Variants in PCDH9 observed in about 807,000 individuals in gnomAD.
PCDH9 encodes the protein protocadherin-9.
In PCDH9, 24 loss-of-function variants were observed where a neutral mutation model predicts 70.6. The observed-to-expected ratio is 0.34, with a 90% CI of 0.25 to 0.48. PCDH9 has a LOEUF of 0.48. Among genes scored for constraint, PCDH9 ranks in the 20% least tolerant of loss-of-function variants. The probability of loss-of-function intolerance (pLI) is 0.99; values close to 1 mark genes in which losing one functional copy is unlikely to be tolerated. For synonymous variants in PCDH9, 562 were observed against 558.5 expected, an observed-to-expected ratio of 1.01 and a Z score of -0.09; for missense variants, 1,281 against 1,503.6, an observed-to-expected ratio of 0.85 and a Z score of 2.45.
intron 4 of PCDH9, among the ~76,000 whole-genome samples, chr13:66,353,719 A>C (rs965796904): frequency 2.0e-5 from 3 of 152,084 alleles, no homozygotes; most frequent in African/African-American, 7.2e-5. Context: ...ATAGTTGTAA[A>C]ATGTAATACA....
intron 2 of PCDH9, among the ~76,000 whole-genome samples, chr13:66,975,095 C>T (rs2083591397): frequency 1.3e-5 from 2 of 152,006 alleles, no homozygotes; most frequent in South Asian, 4.1e-4. Flanking sequence ...AAGTCCTTAT[C>T]TTCACCATGA....
intron 2 of PCDH9, among the ~76,000 whole-genome samples, chr13:66,957,177 C>T (rs751611769): frequency 6.6e-6 from 1 of 152,212 alleles, no homozygotes; most frequent in Non-Finnish European, 1.5e-5. Context: ...AGTCACATCA[C>T]ACTATTGACT....
At chr13:66,685,733 C>T (rs2078392127) in intron 3 of PCDH9, among the ~76,000 whole-genome samples, 1 of 152,200 alleles carries the variant, frequency 6.6e-6, no homozygotes, top group South Asian at 2.1e-4. Flanking sequence ...TGGAAGCCCA[C>T]CTCTTGTATC....
chr13:66,442,357 T>C (rs979595621), intron 4 of PCDH9, among the ~76,000 whole-genome samples: 10 of 152,176 alleles, frequency 6.6e-5, no homozygotes, highest in African/African-American at 2.4e-4. Flanking sequence ...AAATGCATGT[T>C]ATCCCCTTTA....
At chr13:67,097,812 G>A (rs971233682) in intron 2 of PCDH9, among the ~76,000 whole-genome samples, 1 of 152,096 alleles carries the variant, frequency 6.6e-6, no homozygotes, top group African/African-American at 2.4e-5. Flanking sequence ...GAGCCAAGAT[G>A]CCTACTGTTG....
chr13:66,747,005 T>TA lies in PCDH9; in HGVS notation c.3139-115595_3139-115594insT, dbSNP rs577739422. Among the ~76,000 whole-genome samples, 505 of 89,706 alleles carry TA rather than the reference T, an allele frequency of 5.6e-3. 5 individuals are homozygous for TA. Among genetic ancestry groups the TA allele is most frequent in the African/African-American group, 0.015 (487 of 32,164 alleles). The allele number at this position is 89,706 out of a possible 152,430, so 58.9% of individuals were successfully genotyped here. ...AAGCATATCATTTTAAACATTTTAT[T>TA]CAAAAAAACTGTATCTATAATGGAA... On this transcript the variant is annotated intron_variant, in intron 3 of 4. Transcript: ENST00000377865.
rs527787246 is a variant in PCDH9, at chr13:66,816,849, A to G, written c.3138+86655T>C. On this transcript the variant is annotated intron_variant, in intron 3 of 4. Coordinates refer to ENST00000377865, the MANE Select transcript of PCDH9 (RefSeq NM_203487.3). ...ATGTTAAAAGACACAAGTTTTTGTA[A>G]AACAAGGTTTTTTTTTTGGTAAGTG... 7.4e-5 allele frequency among the ~76,000 whole-genome samples: 10 copies of G among 135,954 alleles called. No individual in the cohort carries two copies. In the East Asian group the frequency reaches 2.1e-3, roughly 29 times the overall value. The allele number at this position is 135,954 out of a possible 152,430, so 89.2% of individuals were successfully genotyped here.
intron 4 of PCDH9, among the ~76,000 whole-genome samples, chr13:66,456,947 T>C (rs952244072): frequency 1.3e-5 from 2 of 152,138 alleles, no homozygotes; most frequent in Non-Finnish European, 2.9e-5. Flanking sequence ...ATATAATAAC[T>C]GTGTACCCGT....
chr13:66,771,644 G>A (rs2079808479), intron 3 of PCDH9, among the ~76,000 whole-genome samples: 6 of 152,212 alleles, frequency 3.9e-5, no homozygotes, highest in Admixed American at 3.9e-4. Context: ...TAAGGAGGCA[G>A]TATAGAGTTT....
chr13:66,739,165 G>T (rs531429633), intron 3 of PCDH9, among the ~76,000 whole-genome samples: 206 of 145,646 alleles, frequency 1.4e-3, no homozygotes, highest in African/African-American at 5.0e-3. Context: ...CTACAAGCTA[G>T]AAGAGAGTGG....
intron 3 of PCDH9, among the ~76,000 whole-genome samples, chr13:66,673,460 T>C (rs74881029): frequency 0.021 from 3,271 of 152,174 alleles, 89 homozygotes; most frequent in African/African-American, 0.061. Context: ...AGTGGACTAA[T>C]ACATTGGGAC....
chr13:66,464,862 T>A (rs1014455857), intron 4 of PCDH9, among the ~76,000 whole-genome samples: 1 of 151,974 alleles, frequency 6.6e-6, no homozygotes, highest in Admixed American at 6.6e-5. Flanking sequence ...GGTTCTAACT[T>A]CTATTTCATG....
At position 67,036,468 on chromosome 13, in the gene PCDH9, C is replaced by T. The variant is rs910056109; in HGVS notation, c.3037-132863G>A. 3.9e-5 allele frequency among the ~76,000 whole-genome samples: 6 copies of T among 152,114 alleles called. No homozygotes were observed. In the East Asian group the frequency reaches 1.2e-3, roughly 29 times the overall value. ...GCATTCTTTGATTAATATCAGCTTT[C>T]CAGGAGAAACATAAAAATCATATCA... On this transcript the variant is annotated intron_variant, in intron 2 of 4. Coordinates refer to ENST00000377865, the MANE Select transcript of PCDH9 (RefSeq NM_203487.3).
intron 4 of PCDH9, among the ~76,000 whole-genome samples, chr13:66,575,213 G>C (rs531518645): frequency 6.6e-6 from 1 of 151,874 alleles, no homozygotes; most frequent in Non-Finnish European, 1.5e-5. Context: ...TGTTGTTGTT[G>C]TTGTTGTTAG....
At chr13:66,895,623 T>C (rs1273878860) in intron 3 of PCDH9, among the ~76,000 whole-genome samples, 2 of 152,232 alleles carry the variant, frequency 1.3e-5, no homozygotes, top group African/African-American at 2.4e-5. Context: ...AGCAAATGCT[T>C]GAGCAGCATT....
intron 4 of PCDH9, among the ~76,000 whole-genome samples, chr13:66,419,116 A>C (rs1346650462): frequency 6.6e-6 from 1 of 152,144 alleles, no homozygotes; most frequent in Non-Finnish European, 1.5e-5. Flanking sequence ...CAACCAAAAA[A>C]AGCCCAGGAC....
At chr13:66,855,554 C>T (rs933912345) in intron 3 of PCDH9, among the ~76,000 whole-genome samples, 9 of 151,992 alleles carry the variant, frequency 5.9e-5, no homozygotes, top group African/African-American at 1.9e-4. Flanking sequence ...CTTTAACTGA[C>T]AAAGTACTGA....
intron 2 of PCDH9, among the ~76,000 whole-genome samples, chr13:67,067,478 A>T (rs983227396): frequency 1.4e-4 from 21 of 152,218 alleles, no homozygotes; most frequent in African/African-American, 5.1e-4. Flanking sequence ...GTCAAATTTC[A>T]ATGCTTAGTT....
chr13:66,692,304 A>T (rs2078499258), intron 3 of PCDH9, among the ~76,000 whole-genome samples: 1 of 152,076 alleles, frequency 6.6e-6, no homozygotes, highest in Non-Finnish European at 1.5e-5. Context: ...ATTGAAAAAT[A>T]AAAAAAGCAT....
Sources: allele counts gnomAD v4.1 joint callset (sites outside exome capture counted in the v4.1 genomes callset), GRCh38; gene constraint gnomAD v4.1.1; transcripts MANE v1.5; gene names NCBI Gene and HGNC (gene_info 2026-07-23, HGNC 2026-07-21).